DIAPH2: variants seen among roughly 807,000 people sequenced by gnomAD.
DIAPH2 encodes the protein diaphanous related formin 2, also known as protein diaphanous homolog 2.
Under a neutral mutation model 92.7 loss-of-function variants are expected in DIAPH2, and 35 were observed. The ratio of observed to expected loss-of-function variants is 0.38; its 90% CI spans 0.29 to 0.50. DIAPH2 has a LOEUF of 0.50. DIAPH2 is among the 20% of genes least tolerant of loss of function. The pLI is 0.94. For synonymous variants in DIAPH2, 301 were observed against 280.4 expected, an observed-to-expected ratio of 1.07 and a Z score of -0.73; for missense variants, 701 against 819.5, an observed-to-expected ratio of 0.86 and a Z score of 1.77.
At chrX:97,112,500 T>C (rs1192012854) in intron 20 of DIAPH2, among the ~76,000 whole-genome samples, 1 of 110,495 alleles carries the variant, frequency 9.1e-6, no homozygotes, top group East Asian at 2.9e-4. Flanking sequence ...GAAAAATATA[T>C]AGAGAAACTC....
rs893279831 is a variant in DIAPH2, at chrX:97,080,396, G to T, written c.2247+5135G>T. Among the ~76,000 whole-genome samples the T allele has an allele frequency of 7.3e-5, 8 of 109,568 alleles. No individual in the cohort carries two copies. The South Asian group carries it at 1.2e-3, about 16-fold the overall frequency. On this transcript the variant is annotated intron_variant, in intron 19 of 26. Coordinates refer to ENST00000324765, the MANE Select transcript of DIAPH2 (RefSeq NM_006729.5). Reference sequence around the variant, plus strand: ...GATGCCTCCATACCTGGAAACTACAGAAATACCTCCATAGATGTTTCTCTA... The same window carrying T: ...GATGCCTCCATACCTGGAAACTACATAAATACCTCCATAGATGTTTCTCTA...
At chrX:96,999,901 G>C (rs2066131661) in intron 17 of DIAPH2, among the ~76,000 whole-genome samples, 1 of 111,493 alleles carries the variant, frequency 9.0e-6, no homozygotes. Flanking sequence ...CTTTTATAAA[G>C]AGCAGTTCCC....
At chrX:97,268,331 C>T (rs1358023237) in intron 23 of DIAPH2, among the ~76,000 whole-genome samples, 2 of 112,672 alleles carry the variant, frequency 1.8e-5, no homozygotes, top group East Asian at 2.8e-4. Flanking sequence ...ACTCTACCTA[C>T]TTCCGAAACA....
chrX:97,570,102 AT>A (rs1569426150), intron 26 of DIAPH2, among the ~76,000 whole-genome samples: 22 of 31,715 alleles, frequency 6.9e-4, no homozygotes, highest in Admixed American at 1.0e-3. Context: ...ATATATATAT[AT>A]ATATATATAT....
chrX:97,268,554 T>C (rs1377074108), intron 23 of DIAPH2, among the ~76,000 whole-genome samples: 7 of 112,361 alleles, frequency 6.2e-5, no homozygotes, highest in African/African-American at 1.9e-4. Flanking sequence ...TGTTGTGGTG[T>C]GGTCTATTGG....
At chrX:96,921,604 A>T (rs1268743433) in intron 9 of DIAPH2, among the ~76,000 whole-genome samples, 1 of 110,763 alleles carries the variant, frequency 9.0e-6, no homozygotes, top group East Asian at 2.8e-4. Flanking sequence ...TCCAATCTTG[A>T]TCACTTGGCA....
In DIAPH2 at chrX:97,244,983, G is replaced by A. The variant is rs1220942606; in HGVS notation, c.2720-2732G>A. ...ACATGCCTGTAGTCCCAGCTACTTG[G>A]GATGCTGAGGCAGGAGAATCACTTG... is the stretch of plus-strand genomic sequence containing the variant. On this transcript the variant is annotated intron_variant, in intron 22 of 26. Coordinates refer to ENST00000324765, the MANE Select transcript of DIAPH2 (RefSeq NM_006729.5). Among the ~76,000 whole-genome samples, 3 of 110,455 alleles carry A rather than the reference G, an allele frequency of 2.7e-5. No individual in the cohort carries two copies. The Admixed American group carries it at 2.9e-4, about 11-fold the overall frequency.
chrX:96,962,492 C>CATAT (rs1356349349), intron 16 of DIAPH2, among the ~76,000 whole-genome samples: 2 of 19,564 alleles, frequency 1.0e-4, no homozygotes, highest in Admixed American at 8.6e-4. Flanking sequence ...CACACACACA[C>CATAT]ACACATATAT....
At chrX:96,850,712 G>C (rs926964519) in intron 4 of DIAPH2, among the ~76,000 whole-genome samples, 1 of 111,828 alleles carries the variant, frequency 8.9e-6, no homozygotes, top group African/African-American at 3.2e-5. Context: ...TTTTTATCTC[G>C]TGGTGTCTCC....
chrX:96,905,547 G>C (rs1323482665), intron 5 of DIAPH2, among the ~76,000 whole-genome samples: 1 of 111,164 alleles, frequency 9.0e-6, no homozygotes, highest in African/African-American at 3.3e-5. Context: ...AGGGTTAATT[G>C]AATCTTCTGA....
intron 19 of DIAPH2, among the ~76,000 whole-genome samples, chrX:97,093,396 T>C (rs1374825789): frequency 2.7e-5 from 3 of 111,167 alleles, no homozygotes; most frequent in Non-Finnish European, 5.7e-5. Flanking sequence ...CTATAAACTG[T>C]CTTCGGCCTG....
At chrX:97,230,116 T>C (rs1374043509) in intron 22 of DIAPH2, among the ~76,000 whole-genome samples, 5 of 110,493 alleles carry the variant, frequency 4.5e-5, no homozygotes, top group African/African-American at 1.3e-4. Flanking sequence ...GAAAGAGATC[T>C]CTATTTGGAG....
At chrX:97,394,976 C>T (rs1444637151) in intron 25 of DIAPH2, among the ~76,000 whole-genome samples, 1 of 111,674 alleles carries the variant, frequency 9.0e-6, no homozygotes, top group Non-Finnish European at 1.9e-5. Flanking sequence ...CATCTAACCT[C>T]TCTGATCCTC....
chrX:97,127,706 A>G (rs2067102676), intron 21 of DIAPH2, among the ~76,000 whole-genome samples: 1 of 112,686 alleles, frequency 8.9e-6, no homozygotes, highest in Admixed American at 9.4e-5. Context: ...CTGACATACT[A>G]TAAAATTTAC....
chrX:97,535,640 C>T (rs1446243712), intron 26 of DIAPH2, among the ~76,000 whole-genome samples: 1 of 110,458 alleles, frequency 9.1e-6, no homozygotes, highest in South Asian at 3.9e-4. Context: ...TTAGTAGAGA[C>T]GGGGTTTCAC....
Position 96,884,171 on chromosome X carries a change from C to T in DIAPH2, c.587+2453C>T, listed in dbSNP as rs149954538. 2.8e-4 allele frequency: 133 copies of T among 479,915 alleles called. 1 individual carries two copies. The African/African-American group carries it at 2.8e-3, about 10-fold the overall frequency. 39.6% of individuals were successfully genotyped at this position (479,915 alleles called of 1,213,427 possible). On this transcript the variant is annotated intron_variant, in intron 5 of 26. Coordinates refer to ENST00000324765, the MANE Select transcript of DIAPH2 (RefSeq NM_006729.5). ...TGACGCTTGTCACGTCCTCAGCCTC[C>T]CAGCATTCAATCGTAGCCTTTCGGA...
intron 23 of DIAPH2, among the ~76,000 whole-genome samples, chrX:97,328,582 A>G (rs192106163): frequency 8.9e-6 from 1 of 111,874 alleles, no homozygotes; most frequent in African/African-American, 3.2e-5. Context: ...ATTTAGATAA[A>G]TGTGATTTTT....
chrX:97,599,559 T>C lies in DIAPH2; in HGVS notation c.*242T>C, dbSNP rs775216474. Reference sequence around the variant, plus strand: ...TTCCATTTTAGTGTAAAGATGTGTATCATTTGTAATTGTGTGTGACCTGAC... The same window carrying C: ...TTCCATTTTAGTGTAAAGATGTGTACCATTTGTAATTGTGTGTGACCTGAC... On this transcript the variant is annotated 3_prime_UTR_variant, in exon 27 of 27. Transcript: ENST00000324765. 4 of 198,517 alleles carry C rather than the reference T, an allele frequency of 2.0e-5. No individual in the cohort carries two copies. Among genetic ancestry groups the C allele is most frequent in the African/African-American group, 3.0e-5 (1 of 33,122 alleles). 16.4% of individuals were successfully genotyped at this position (198,517 alleles called of 1,213,427 possible). A position where few individuals can be genotyped will look rare whatever the true frequency, so the allele number is the denominator to read the frequency against.
At chrX:97,498,080 T>G (rs375444313) in intron 26 of DIAPH2, among the ~76,000 whole-genome samples, 2 of 111,835 alleles carry the variant, frequency 1.8e-5, no homozygotes, top group East Asian at 5.6e-4. Context: ...TTGACCACCC[T>G]GCTGGTAGTC....
Sources: gnomAD v4.1 joint callset for allele counts (sites outside exome capture counted in the v4.1 genomes callset) on GRCh38, gnomAD v4.1.1 for gene constraint, MANE v1.5 for transcripts, NCBI Gene and HGNC (gene_info 2026-07-23, HGNC 2026-07-21) for gene names.